The following PPP1R21 variants were observed in gnomAD, a reference collection of about 807,000 sequenced individuals.
PPP1R21 encodes KLRAQ motif containing 1.
A neutral mutation model predicts 112.8 loss-of-function variants in PPP1R21; 85 were observed. That is an observed-to-expected ratio of 0.75 (90% CI 0.63 to 0.90). The LOEUF (loss-of-function observed/expected upper bound fraction) is 0.90. PPP1R21 is among the 40% of genes least tolerant of loss of function. The pLI is 0.00. For synonymous variants in PPP1R21, 381 were observed against 322.3 expected, an observed-to-expected ratio of 1.18 and a Z score of -1.95; for missense variants, 1,199 against 901.5, an observed-to-expected ratio of 1.33 and a Z score of -4.23.
At chr2:48,508,453 T>C (rs980548546) in intron 19 of PPP1R21, among the ~76,000 whole-genome samples, 2 of 152,220 alleles carry the variant, frequency 1.3e-5, no homozygotes, top group African/African-American at 4.8e-5. Flanking sequence ...CCTGCTAAAA[T>C]AAATTGTGTG....
chr2:48,462,982 A>T lies in PPP1R21; in HGVS notation c.694+1750A>T, dbSNP rs183354476. Among the ~76,000 whole-genome samples the T allele has an allele frequency of 3.6e-3, 548 of 152,298 alleles. 7 individuals carry two copies. The highest frequency in any genetic ancestry group is 0.013 in the African/African-American group (521 of 41,564). ...AGAGGCAGTCATGGGGAAGATGGTG[A>T]TGCAGTTGACCGAAAGAAAAGAGGT... is the stretch of plus-strand genomic sequence containing the variant. On this transcript the variant is annotated intron_variant, in intron 7 of 21. Transcript: ENST00000294952.
At chr2:48,507,027 T>G (rs886069628) in intron 18 of PPP1R21, among the ~76,000 whole-genome samples, 1 of 151,948 alleles carries the variant, frequency 6.6e-6, no homozygotes, top group Admixed American at 6.6e-5. Context: ...TTCCCATTAC[T>G]TCAGTTCTGT....
chr2:48,445,613 C>T lies in PPP1R21; in HGVS notation c.57+4603C>T, dbSNP rs768670825. Among the ~76,000 whole-genome samples, 9 of 152,296 alleles carry T rather than the reference C, an allele frequency of 5.9e-5. 1 individual carries two copies. Among genetic ancestry groups the T allele is most frequent in the Admixed American group, 6.5e-5 (1 of 15,294 alleles). On this transcript the variant is annotated intron_variant, in intron 1 of 21. Coordinates refer to ENST00000294952, the MANE Select transcript of PPP1R21 (RefSeq NM_001135629.3). ...GCCCTAGAAAGACAAGGGGCAGCCT[C>T]CTCTTCCTGTTTAGTTTAACTGATT...
intron 13 of PPP1R21, among the ~76,000 whole-genome samples, chr2:48,485,928 C>T (rs1024427060): frequency 3.5e-5 from 1 of 28,800 alleles, no homozygotes; most frequent in African/African-American, 1.2e-4. Context: ...CTAATATATA[C>T]AATTGTATAT....
chr2:48,455,996 C>CAA (rs1197971741), intron 3 of PPP1R21, among the ~76,000 whole-genome samples: 1 of 110,738 alleles, frequency 9.0e-6, no homozygotes, highest in Non-Finnish European at 1.7e-5. Flanking sequence ...ACCTGGGTGG[C>CAA]AGAGTGAGAC....
At chr2:48,465,113 A>T in intron 8 of PPP1R21, 124 bp downstream of exon 8, 1 of 759,482 alleles carries the variant, frequency 1.3e-6, no homozygotes, top group Non-Finnish European at 2.1e-6. Flanking sequence ...CTGTTGCTTT[A>T]CGTGTTTCTC....
intron 12 of PPP1R21, among the ~76,000 whole-genome samples, chr2:48,476,020 A>C (rs1427311733): frequency 6.6e-6 from 1 of 152,192 alleles, no homozygotes; most frequent in Non-Finnish European, 1.5e-5. Flanking sequence ...GTATATTCAC[A>C]GGAATGTGCA....
intron 7 of PPP1R21, among the ~76,000 whole-genome samples, chr2:48,461,960 T>C (rs1667997867): frequency 6.6e-6 from 1 of 152,216 alleles, no homozygotes; most frequent in African/African-American, 2.4e-5. Context: ...AGCAGTTTGA[T>C]TTAAGATTAA....
At chr2:48,443,816 C>T (rs1006997662) in intron 1 of PPP1R21, among the ~76,000 whole-genome samples, 3 of 152,010 alleles carry the variant, frequency 2.0e-5, no homozygotes, top group East Asian at 1.9e-4. Flanking sequence ...GTACAAGTTT[C>T]GTGGGCTGAT....
chr2:48,462,234 C>G (rs191434350), intron 7 of PPP1R21, among the ~76,000 whole-genome samples: 1 of 152,220 alleles, frequency 6.6e-6, no homozygotes, highest in East Asian at 1.9e-4. Flanking sequence ...ACTTTTAGTC[C>G]TGAAATATTT....
At chr2:48,464,150 T>G (rs999497863) in intron 7 of PPP1R21, among the ~76,000 whole-genome samples, 3 of 152,186 alleles carry the variant, frequency 2.0e-5, no homozygotes, top group African/African-American at 4.8e-5. Flanking sequence ...GAAAGATGGC[T>G]GATAGAAGTG....
At chr2:48,462,473 T>C (rs1458376666) in intron 7 of PPP1R21, among the ~76,000 whole-genome samples, 1 of 152,150 alleles carries the variant, frequency 6.6e-6, no homozygotes, top group Admixed American at 6.5e-5. Flanking sequence ...AAAAGGGTGC[T>C]TTGAGCTGGG....
chr2:48,449,704 G>A (rs1017047055), intron 1 of PPP1R21, among the ~76,000 whole-genome samples: 4 of 151,786 alleles, frequency 2.6e-5, no homozygotes, highest in Non-Finnish European at 5.9e-5. Context: ...AGACAGATCT[G>A]AGCTATGCAG....
chr2:48,473,838 A>G (rs1270375339), intron 11 of PPP1R21, among the ~76,000 whole-genome samples: 1 of 152,190 alleles, frequency 6.6e-6, no homozygotes, highest in Non-Finnish European at 1.5e-5. Flanking sequence ...AGTTTTCCCA[A>G]GTAACTATTT....
chr2:48,509,972 G>T (rs1343640611), intron 19 of PPP1R21, 43 bp from the exon 20 acceptor site: 1 of 1,489,422 alleles, frequency 6.7e-7, no homozygotes, highest in Non-Finnish European at 9.1e-7. Flanking sequence ...TTTGGTTTTA[G>T]AAAGTGCTCC....
intron 13 of PPP1R21, among the ~76,000 whole-genome samples, chr2:48,482,742 T>C (rs1026108406): frequency 6.6e-6 from 1 of 151,290 alleles, no homozygotes; most frequent in African/African-American, 2.4e-5. Context: ...TTTCCCAAAG[T>C]TTAGTGTGTA....
chr2:48,479,723 G>A (rs1668920451), intron 12 of PPP1R21, among the ~76,000 whole-genome samples: 1 of 152,176 alleles, frequency 6.6e-6, no homozygotes, highest in South Asian at 2.1e-4. Flanking sequence ...AAAAATATTT[G>A]TGGACATAGG....
chr2:48,507,459 A>T lies in PPP1R21; in HGVS notation c.2085+74A>T, dbSNP rs76955615. ...GGAGTTAGGACACTGTCCTGTTTTCATGCTGTTCACTGTAAGAGAGAAGTC... is the reference window on the plus strand; with the variant it reads ...GGAGTTAGGACACTGTCCTGTTTTCTTGCTGTTCACTGTAAGAGAGAAGTC... On this transcript the variant is annotated intron_variant, in intron 19 of 21. Coordinates refer to ENST00000294952, the MANE Select transcript of PPP1R21 (RefSeq NM_001135629.3). 3 of 1,548,718 alleles carry T rather than the reference A, an allele frequency of 1.9e-6. No individual in the cohort carries two copies. The African/African-American group carries it at 4.2e-5, about 22-fold the overall frequency.
At chr2:48,502,256 G>A (rs1450559914) in intron 17 of PPP1R21, among the ~76,000 whole-genome samples, 1 of 152,122 alleles carries the variant, frequency 6.6e-6, no homozygotes, top group African/African-American at 2.4e-5. Context: ...GTTAGTGTAG[G>A]GGTGGAAAGG....
Sources: gnomAD v4.1 joint callset for allele counts (sites outside exome capture counted in the v4.1 genomes callset) on GRCh38, gnomAD v4.1.1 for gene constraint, MANE v1.5 for transcripts, NCBI Gene and HGNC (gene_info 2026-07-23, HGNC 2026-07-21) for gene names.